The following KCTD8 variants were observed in gnomAD, a reference collection of about 807,000 sequenced individuals.
KCTD8 encodes the protein BTB/POZ domain-containing protein KCTD8.
A neutral mutation model predicts 31.5 loss-of-function variants in KCTD8; 27 were observed. That is an observed-to-expected ratio of 0.86 (90% CI 0.63 to 1.18). The LOEUF (loss-of-function observed/expected upper bound fraction) is 1.18, where lower values mean the gene tolerates loss of function less well. Among genes scored for constraint, KCTD8 ranks in the 50% most tolerant of loss-of-function variants. The pLI, the probability that KCTD8 is intolerant of heterozygous loss-of-function variation, is 0.00. For missense variants in KCTD8, 658 were observed against 647.7 expected (o/e 1.02, Z -0.17); for synonymous variants, 290 against 280.0 (o/e 1.04, Z -0.36).
intron 1 of KCTD8, among the ~76,000 whole-genome samples, chr4:44,286,794 TA>T (rs998242855): frequency 8.6e-5 from 13 of 151,630 alleles, no homozygotes; most frequent in Non-Finnish European, 8.8e-5. Flanking sequence ...GGGGTAAGGG[TA>T]AAAAAATAGA....
chr4:44,422,442 T>G (rs1721236941), intron 1 of KCTD8, among the ~76,000 whole-genome samples: 1 of 152,084 alleles, frequency 6.6e-6, no homozygotes, highest in Admixed American at 6.6e-5. Context: ...GAAGGGTAGA[T>G]GTAGTTTAAG....
intron 1 of KCTD8, among the ~76,000 whole-genome samples, chr4:44,383,079 A>G (rs1720115959): frequency 6.6e-6 from 1 of 151,974 alleles, no homozygotes; most frequent in Admixed American, 6.6e-5. Flanking sequence ...AACAAAATAA[A>G]ATACCTAGAA....
intron 1 of KCTD8, among the ~76,000 whole-genome samples, chr4:44,407,878 G>T (rs554279702): frequency 1.3e-5 from 2 of 152,192 alleles, no homozygotes; most frequent in South Asian, 2.1e-4. Flanking sequence ...CTCAGGTTCT[G>T]CAAACAACCT....
chr4:44,252,468 A>G (rs1287270518), intron 1 of KCTD8, among the ~76,000 whole-genome samples: 1 of 151,818 alleles, frequency 6.6e-6, no homozygotes, highest in Non-Finnish European at 1.5e-5. Context: ...ACTAGTTTAC[A>G]TTCCCACCAT....
intron 1 of KCTD8, among the ~76,000 whole-genome samples, chr4:44,212,904 C>T (rs1714532978): frequency 6.6e-6 from 1 of 151,942 alleles, no homozygotes; most frequent in African/African-American, 2.4e-5. Context: ...TTTTCCTTTG[C>T]ATTCACTCTT....
intron 1 of KCTD8, among the ~76,000 whole-genome samples, chr4:44,388,538 G>C (rs1720283486): frequency 6.6e-6 from 1 of 151,864 alleles, no homozygotes; most frequent in South Asian, 2.1e-4. Flanking sequence ...AAAGCAATGA[G>C]ATCATGTCCT....
intron 1 of KCTD8, among the ~76,000 whole-genome samples, chr4:44,206,092 T>A (rs1050310884): frequency 2.0e-5 from 3 of 151,556 alleles, no homozygotes; most frequent in Non-Finnish European, 4.4e-5. Flanking sequence ...GATTATTTAT[T>A]TTTTTTTAAT....
At chr4:44,226,213 C>T (rs1194768423) in intron 1 of KCTD8, among the ~76,000 whole-genome samples, 1 of 152,050 alleles carries the variant, frequency 6.6e-6, no homozygotes, top group Non-Finnish European at 1.5e-5. Flanking sequence ...CCTGACAGGC[C>T]CCGGTGTGTG....
At chr4:44,342,687 A>G in intron 1 of KCTD8, among the ~76,000 whole-genome samples, 1 of 152,220 alleles carries the variant, frequency 6.6e-6, no homozygotes, top group Non-Finnish European at 1.5e-5. Context: ...TCTCCTTCCA[A>G]TAGAAGGCTG....
At chr4:44,369,825 G>A (rs1307886470) in intron 1 of KCTD8, among the ~76,000 whole-genome samples, 1 of 151,872 alleles carries the variant, frequency 6.6e-6, no homozygotes, top group Non-Finnish European at 1.5e-5. Flanking sequence ...AAAAAAAAAG[G>A]CACAAGAAAT....
chr4:44,368,388 G>GA (rs981625100), intron 1 of KCTD8, among the ~76,000 whole-genome samples: 2 of 137,726 alleles, frequency 1.5e-5, no homozygotes, highest in African/African-American at 5.1e-5. Flanking sequence ...CCTTCTCAAA[G>GA]AAAAAAATAA....
intron 1 of KCTD8, among the ~76,000 whole-genome samples, chr4:44,280,051 A>AT (rs1370430856): frequency 6.6e-6 from 1 of 152,056 alleles, no homozygotes; most frequent in East Asian, 1.9e-4. Context: ...GATCTTGGAA[A>AT]TTTTCAGTCA....
At chr4:44,313,528 C>G (rs1316691953) in intron 1 of KCTD8, among the ~76,000 whole-genome samples, 2 of 152,144 alleles carry the variant, frequency 1.3e-5, no homozygotes, top group Non-Finnish European at 2.9e-5. Flanking sequence ...TAAGTTTTCT[C>G]CTACCTGTTA....
chr4:44,213,149 G>A (rs966590884), intron 1 of KCTD8, among the ~76,000 whole-genome samples: 3 of 152,136 alleles, frequency 2.0e-5, no homozygotes, highest in Non-Finnish European at 4.4e-5. Flanking sequence ...TCTTAGCCAG[G>A]ATGGTCTTGA....
intron 1 of KCTD8, among the ~76,000 whole-genome samples, chr4:44,309,842 A>C (rs1717901574): frequency 6.6e-6 from 1 of 152,128 alleles, no homozygotes; most frequent in African/African-American, 2.4e-5. Flanking sequence ...AATTCCATAA[A>C]TAAGATTCTA....
intron 1 of KCTD8, among the ~76,000 whole-genome samples, chr4:44,268,711 C>T (rs142255230): frequency 0.034 from 5,216 of 152,128 alleles, 123 homozygotes; most frequent in Non-Finnish European, 0.051. Context: ...GGATACAAAA[C>T]CAATGTACAA....
chr4:44,403,649 A>C (rs888317494), intron 1 of KCTD8, among the ~76,000 whole-genome samples: 1 of 151,730 alleles, frequency 6.6e-6, no homozygotes, highest in Non-Finnish European at 1.5e-5. Context: ...TCCTCTTATA[A>C]TGACCTAGTC....
intron 1 of KCTD8, among the ~76,000 whole-genome samples, chr4:44,253,045 A>G (rs1335777705): frequency 6.6e-6 from 1 of 151,746 alleles, no homozygotes; most frequent in East Asian, 1.9e-4. Flanking sequence ...GGAGATTATC[A>G]AAGTTCCATA....
chr4:44,179,375 T>C (rs1189414865), intron 1 of KCTD8, among the ~76,000 whole-genome samples: 1 of 151,290 alleles, frequency 6.6e-6, no homozygotes, highest in East Asian at 1.9e-4. Flanking sequence ...TCAAGAACTA[T>C]GAAGAAAAGG....
Sources: allele counts gnomAD v4.1 joint callset (sites outside exome capture counted in the v4.1 genomes callset), GRCh38; gene constraint gnomAD v4.1.1; transcripts MANE v1.5; gene names NCBI Gene and HGNC (gene_info 2026-07-23, HGNC 2026-07-21).